The following RGS5 variants were observed in gnomAD, a reference collection of about 807,000 sequenced individuals.
RGS5 encodes the protein regulator of G protein signaling 5.
In RGS5, 20 loss-of-function variants were observed where a neutral mutation model predicts 18.9. The ratio of observed to expected loss-of-function variants is 1.06; its 90% CI spans 0.74 to 1.54. The LOEUF (loss-of-function observed/expected upper bound fraction) is 1.54. Among genes scored for constraint, RGS5 ranks in the 40% most tolerant of loss-of-function variants. The probability of loss-of-function intolerance (pLI) is 0.00; values close to 1 mark genes in which losing one functional copy is unlikely to be tolerated. For missense variants in RGS5, 201 were observed against 211.8 expected, an observed-to-expected ratio of 0.95 and a Z score of 0.32; for synonymous variants, 57 against 76.2, an observed-to-expected ratio of 0.75 and a Z score of 1.31.
At chr1:163,203,718 A>T (rs1313196484), upstream of RGS5, among the ~76,000 whole-genome samples, 1 of 152,120 alleles carries the variant, frequency 6.6e-6, no homozygotes, top group East Asian at 1.9e-4. Context: ...TTCTGATTAT[A>T]CTTTGCTTGG....
chr1:163,313,448 T>G (rs1280666929), intron 1 of RGS5, among the ~76,000 whole-genome samples: 1 of 151,924 alleles, frequency 6.6e-6, no homozygotes, highest in Non-Finnish European at 1.5e-5. Context: ...TGATAGGAGA[T>G]TCTAGGAAAG....
At position 163,145,745 on chromosome 1, in the gene RGS5, T is replaced by C. The variant is rs1657105959; in HGVS notation, c.*1597A>G. On this transcript the variant is annotated 3_prime_UTR_variant, in exon 5 of 5. Transcript: ENST00000313961. ...AAATCCAACAAGCGCAGTCAGTGTT[T>C]ACCTGAAGAATACAGTCACATAGTT... 2 of 152,198 alleles carry C rather than the reference T, an allele frequency of 1.3e-5. No homozygotes were observed. Among genetic ancestry groups the C allele is most frequent in the African/African-American group, 4.8e-5 (2 of 41,446 alleles). 9.4% of individuals were successfully genotyped at this position (152,198 alleles called of 1,614,324 possible). A position where few individuals can be genotyped will look rare whatever the true frequency, so the allele number is the denominator to read the frequency against.
At chr1:163,320,880 T>C (rs1650181023) in intron 1 of RGS5, among the ~76,000 whole-genome samples, 1 of 152,164 alleles carries the variant, frequency 6.6e-6, no homozygotes, top group South Asian at 2.1e-4. Flanking sequence ...ATACAACCTT[T>C]CTAGCACTTT....
chr1:163,263,207 A>G (rs1648497502), intron 2 of RGS5, among the ~76,000 whole-genome samples: 3 of 152,138 alleles, frequency 2.0e-5, no homozygotes, highest in Non-Finnish European at 4.4e-5. Context: ...CTTGCCATCT[A>G]TGGGCCCACT....
chr1:163,299,628 G>T (rs933127091), intron 2 of RGS5, among the ~76,000 whole-genome samples: 1 of 152,196 alleles, frequency 6.6e-6, no homozygotes, highest in Non-Finnish European at 1.5e-5. Context: ...ATATGTGAAC[G>T]TGCTGCTGCT....
intron 2 of RGS5, among the ~76,000 whole-genome samples, chr1:163,276,650 C>T (rs1648863984): frequency 6.6e-6 from 1 of 152,106 alleles, no homozygotes; most frequent in African/African-American, 2.4e-5. Context: ...TACTGTCTGA[C>T]CTAGAACATT....
upstream of RGS5, among the ~76,000 whole-genome samples, chr1:163,204,739 T>C (rs894162542): frequency 6.6e-6 from 1 of 152,176 alleles, no homozygotes; most frequent in Non-Finnish European, 1.5e-5. Flanking sequence ...TTTTGAGACA[T>C]GTGGACACTG....
At chr1:163,198,785 T>A (rs1209482129) in intron 1 of RGS5, among the ~76,000 whole-genome samples, 1 of 152,006 alleles carries the variant, frequency 6.6e-6, no homozygotes, top group African/African-American at 2.4e-5. Context: ...TGCTATCCAC[T>A]GTGCCTGGCT....
intron 1 of RGS5, among the ~76,000 whole-genome samples, chr1:163,313,558 G>A (rs1221853199): frequency 6.6e-6 from 1 of 152,202 alleles, no homozygotes; most frequent in Non-Finnish European, 1.5e-5. Context: ...TAGAAGGTCT[G>A]TGTAAGACTG....
In RGS5 at chr1:163,147,377, C is replaced by A. The variant is rs1457102023; in HGVS notation, c.511G>T (p.Val171Leu). ...LMEKDSLPRF[V>L]RSEFYQELIK Reference sequence around the variant, plus strand: ...AACTCCTGATAAAACTCAGAGCGCACAAAGCGAGGCAGAGAATCCTTTTCC... The same window carrying A: ...AACTCCTGATAAAACTCAGAGCGCAAAAAGCGAGGCAGAGAATCCTTTTCC... Residue 171 changes from valine to leucine, a missense_variant, in exon 5 of 5, where the codon GTG becomes TTG. Transcript: ENST00000313961. 3.7e-6 allele frequency: 6 copies of A among 1,609,592 alleles called. No individual in the cohort carries two copies. The highest frequency in any genetic ancestry group is 5.1e-6 in the Non-Finnish European group (6 of 1,178,202).
rs368103412 is a variant in RGS5 at position 163,285,168 on chromosome 1, T to G, written c.-281+21065A>C. 4.6e-5 allele frequency among the ~76,000 whole-genome samples: 7 copies of G among 152,286 alleles called. No individual in the cohort carries two copies. The East Asian group carries it at 7.7e-4, about 17-fold the overall frequency. On this transcript the variant is annotated intron_variant, in intron 2 of 5. Coordinates refer to the RGS5 transcript ENST00000618415. ...GAATTATGAGAATTACAATTCAAGA[T>G]GAGATTTGGCTGGGGTCACTGCCAA...
intron 1 of RGS5, among the ~76,000 whole-genome samples, chr1:163,196,822 T>C (rs188780354): frequency 1.9e-4 from 29 of 152,258 alleles, no homozygotes; most frequent in Non-Finnish European, 3.4e-4. Context: ...CTTTTTCCGA[T>C]TGTGGCCTAA....
intron 1 of RGS5, among the ~76,000 whole-genome samples, chr1:163,214,122 T>G (rs1660168581): frequency 6.6e-6 from 1 of 152,168 alleles, no homozygotes; most frequent in Non-Finnish European, 1.5e-5. Context: ...TGATTACTGT[T>G]GCAAACACTC....
intron 1 of RGS5, among the ~76,000 whole-genome samples, chr1:163,209,225 A>T (rs1159884524): frequency 6.6e-6 from 1 of 152,202 alleles, no homozygotes; most frequent in Non-Finnish European, 1.5e-5. Flanking sequence ...AGTATCTTAC[A>T]CTAAATTTCC....
chr1:163,232,114 C>T (rs12080108), intron 2 of RGS5, among the ~76,000 whole-genome samples: 5 of 142,680 alleles, frequency 3.5e-5, no homozygotes, highest in East Asian at 2.2e-4. Context: ...GCAAAGATGG[C>T]GGGGGTGGGG....
At chr1:163,264,491 C>T (rs1648528142) in intron 2 of RGS5, among the ~76,000 whole-genome samples, 1 of 152,166 alleles carries the variant, frequency 6.6e-6, no homozygotes, top group Non-Finnish European at 1.5e-5. Context: ...CTACACCCCA[C>T]ACATTTCATC....
intron 3 of RGS5, chr1:163,161,651 A>G (rs921557645): frequency 1.8e-5 from 6 of 335,192 alleles, no homozygotes. Flanking sequence ...GGCTCATGCA[A>G]GTAAGCAGGA....
chr1:163,298,814 G>A (rs1307478299), intron 2 of RGS5, among the ~76,000 whole-genome samples: 3 of 152,096 alleles, frequency 2.0e-5, no homozygotes, highest in Non-Finnish European at 4.4e-5. Flanking sequence ...TGTTTCCCAA[G>A]TGCCCTCAGT....
intron 2 of RGS5, among the ~76,000 whole-genome samples, chr1:163,253,635 T>A (rs1193062408): frequency 2.0e-5 from 3 of 151,096 alleles, no homozygotes; most frequent in Non-Finnish European, 3.0e-5. Flanking sequence ...TTTATTTATT[T>A]ATTTATTTAT....
Sources: gnomAD v4.1 joint callset for allele counts (sites outside exome capture counted in the v4.1 genomes callset) on GRCh38, gnomAD v4.1.1 for gene constraint, MANE v1.5 for transcripts, NCBI Gene and HGNC (gene_info 2026-07-23, HGNC 2026-07-21) for gene names.